GALNT14: variants seen among roughly 807,000 people sequenced by gnomAD.
GALNT14 encodes UDP-GalNAc:polypeptide N-acetylgalactosaminyltransferase 14.
A neutral mutation model predicts 77.5 loss-of-function variants in GALNT14; 60 were observed. The ratio of observed to expected loss-of-function variants is 0.77; its 90% CI spans 0.63 to 0.96. The LOEUF (loss-of-function observed/expected upper bound fraction) is 0.96, where lower values mean the gene tolerates loss of function less well. Among genes scored for constraint, GALNT14 ranks in the 40% least tolerant of loss-of-function variants. GALNT14 has a pLI of 0.00. For synonymous variants in GALNT14, 280 were observed against 281.7 expected, an observed-to-expected ratio of 0.99 and a Z score of 0.06; for missense variants, 710 against 731.0, an observed-to-expected ratio of 0.97 and a Z score of 0.33.
chr2:30,948,213 G>A (rs1489814112), intron 6 of GALNT14, among the ~76,000 whole-genome samples: 1 of 152,242 alleles, frequency 6.6e-6, no homozygotes, highest in Non-Finnish European at 1.5e-5. Context: ...TTTTGCCTTT[G>A]CTTTGAGCTT....
intron 1 of GALNT14, among the ~76,000 whole-genome samples, chr2:31,021,908 A>G (rs1428515569): frequency 1.3e-5 from 2 of 152,214 alleles, no homozygotes; most frequent in Admixed American, 6.5e-5. Context: ...TTCTCTAGAA[A>G]TTAGTTTTTC....
chr2:31,097,468 G>C (rs1677059283), intron 1 of GALNT14, among the ~76,000 whole-genome samples: 2 of 149,978 alleles, frequency 1.3e-5, no homozygotes, highest in Admixed American at 1.3e-4. Flanking sequence ...TGTGAGATAT[G>C]AAGGCAAGGC....
At chr2:31,071,312 G>A (rs961934170) in intron 1 of GALNT14, among the ~76,000 whole-genome samples, 1 of 152,210 alleles carries the variant, frequency 6.6e-6, no homozygotes, top group Non-Finnish European at 1.5e-5. Context: ...CCTAGTAAGA[G>A]TCTGAGTTCC....
intron 1 of GALNT14, among the ~76,000 whole-genome samples, chr2:30,994,647 A>G (rs1313423697): frequency 6.6e-6 from 1 of 152,142 alleles, no homozygotes; most frequent in Non-Finnish European, 1.5e-5. Flanking sequence ...TTGCAATGTC[A>G]CAGCCTGATA....
chr2:31,027,680 C>T (rs539841681), intron 1 of GALNT14, among the ~76,000 whole-genome samples: 17 of 152,236 alleles, frequency 1.1e-4, no homozygotes, highest in African/African-American at 4.1e-4. Context: ...CTATTAGTTG[C>T]TCATTATTCG....
chr2:31,095,565 T>G (rs1676958662), intron 1 of GALNT14, among the ~76,000 whole-genome samples: 1 of 152,120 alleles, frequency 6.6e-6, no homozygotes, highest in Non-Finnish European at 1.5e-5. Flanking sequence ...ACTAGATCAC[T>G]GAAAAAGAAA....
intron 1 of GALNT14, among the ~76,000 whole-genome samples, chr2:31,089,553 C>T (rs1268941935): frequency 6.6e-6 from 1 of 151,954 alleles, no homozygotes. Context: ...TTTCTCACTT[C>T]TTATGCCAAC....
intron 1 of GALNT14, among the ~76,000 whole-genome samples, chr2:31,074,242 C>T (rs1675611707): frequency 6.6e-6 from 1 of 152,126 alleles, no homozygotes; most frequent in Non-Finnish European, 1.5e-5. Flanking sequence ...TGATGGGTCC[C>T]ACTCTGAGCT....
chr2:30,945,803 G>C lies in GALNT14; in HGVS notation c.722C>G (p.Ser241Cys), dbSNP rs1254762040. ...CTCACCCCCTCTGAGCTCCGAGGCA[G>C]ACTCGATGTAGGTGAAGGTGTCCAG... ...INLDTFTYIE[S>C]ASELRGGFDW... The change falls in exon 7 of 15, where the codon TCT (serine) becomes TGT (cysteine). Residue 241 changes from serine (S) to cysteine (C), a missense_variant. Transcript: ENST00000349752. 6.2e-7 allele frequency: 1 copy of C among 1,614,028 alleles called. No homozygotes were observed. The highest frequency in any genetic ancestry group is 1.7e-5 in the Admixed American group (1 of 60,014).
At chr2:31,073,021 ACTC>A (rs1328594400) in intron 1 of GALNT14, 2 of 152,036 alleles carry the variant, frequency 1.3e-5, no homozygotes, top group Admixed American at 6.5e-5. Context: ...TACAGGGAGA[ACTC>A]CTCCCTGCAC....
chr2:30,987,553 C>T (rs1049292772), intron 2 of GALNT14, among the ~76,000 whole-genome samples: 6 of 152,202 alleles, frequency 3.9e-5, no homozygotes, highest in African/African-American at 1.4e-4. Flanking sequence ...GCTTCCATTC[C>T]AGATACGGAA....
At chr2:30,976,316 A>C (rs988016924) in intron 2 of GALNT14, among the ~76,000 whole-genome samples, 5 of 152,242 alleles carry the variant, frequency 3.3e-5, no homozygotes, top group Non-Finnish European at 5.9e-5. Context: ...TAAAGAACGT[A>C]GACTCCTCTG....
In GALNT14 at chr2:31,088,458, T is replaced by A. The variant is rs1317343966; in HGVS notation, c.129+49500A>T. Among the ~76,000 whole-genome samples, 41 of 152,192 alleles carry A rather than the reference T, an allele frequency of 2.7e-4. 1 individual carries two copies. Among genetic ancestry groups the A allele is most frequent in the Admixed American group, 2.6e-3 (40 of 15,270 alleles). On this transcript the variant is annotated intron_variant, in intron 1 of 14. Coordinates refer to ENST00000349752, the MANE Select transcript of GALNT14 (RefSeq NM_024572.4). ...TGCTTGCCTGATTGGGCTTGGCGTC[T>A]CGTGGTCCTTCCTTTCTTTGTGAGA...
intron 1 of GALNT14, among the ~76,000 whole-genome samples, chr2:31,010,454 T>C (rs1485766299): frequency 6.6e-6 from 1 of 152,054 alleles, no homozygotes; most frequent in Non-Finnish European, 1.5e-5. Context: ...AAAAAATAAA[T>C]AAATAAATAA....
At chr2:30,947,433 G>C (rs1666768392) in intron 6 of GALNT14, among the ~76,000 whole-genome samples, 1 of 152,140 alleles carries the variant, frequency 6.6e-6, no homozygotes, top group South Asian at 2.1e-4. Context: ...GCAAGCCTAA[G>C]TCACCAGCTT....
rs1558430067 is a variant in GALNT14 at position 30,945,829 on chromosome 2, G to T, written c.696C>A (p.Asn232Lys). Residue 232 changes from asparagine to lysine, a missense_variant, in exon 7 of 15, where the codon AAC becomes AAA. Transcript: ENST00000349752. ...ACTCGATGTAGGTGAAGGTGTCCAG[G>T]TTAATGATATCGATCACAGGGCACA... Reference protein sequence around the residue: ...RVVCPVIDIINLDTFTYIESA... With the variant: ...RVVCPVIDIIKLDTFTYIESA... 1 of 1,614,174 alleles carries T rather than the reference G, an allele frequency of 6.2e-7. No homozygotes were observed. The highest frequency in any genetic ancestry group is 8.5e-7 in the Non-Finnish European group (1 of 1,180,034).
At position 31,094,327 on chromosome 2, in the gene GALNT14, A is replaced by G. The variant is rs181731920; in HGVS notation, c.129+43631T>C. On this transcript the variant is annotated intron_variant, in intron 1 of 14. Coordinates refer to ENST00000349752, the MANE Select transcript of GALNT14 (RefSeq NM_024572.4). ...ACTGCCTATCCCAAAACCTATAAGA[A>G]CTAATGATAATCCCACCCTTTGCTG... Among the ~76,000 whole-genome samples the G allele has an allele frequency of 2.1e-3, 316 of 152,324 alleles. 1 individual carries two copies. The highest frequency in any genetic ancestry group is 7.1e-3 in the African/African-American group (297 of 41,564).
chr2:31,039,024 G>T (rs1322143415), intron 1 of GALNT14, among the ~76,000 whole-genome samples: 1 of 152,166 alleles, frequency 6.6e-6, no homozygotes, highest in Non-Finnish European at 1.5e-5. Flanking sequence ...GATTGCAGGC[G>T]TGAGCCACCG....
chr2:31,127,770 A>G (rs1306844543), intron 1 of GALNT14, among the ~76,000 whole-genome samples: 1 of 152,226 alleles, frequency 6.6e-6, no homozygotes, highest in Non-Finnish European at 1.5e-5. Flanking sequence ...TGGAGCAGAA[A>G]TCATAATTTC....
Sources: allele counts gnomAD v4.1 joint callset (sites outside exome capture counted in the v4.1 genomes callset), GRCh38; gene constraint gnomAD v4.1.1; transcripts MANE v1.5; gene names NCBI Gene and HGNC (gene_info 2026-07-23, HGNC 2026-07-21).